ABLIM1: variants seen among roughly 807,000 people sequenced by gnomAD.
ABLIM1 encodes actin binding LIM protein 1, also known as actin-binding LIM protein 1.
A neutral mutation model predicts 107.0 loss-of-function variants in ABLIM1; 40 were observed. The ratio of observed to expected loss-of-function variants is 0.37; its 90% CI spans 0.29 to 0.49. ABLIM1 has a LOEUF of 0.49. ABLIM1 is among the 20% of genes least tolerant of loss of function. The pLI is 0.97. For missense variants in ABLIM1, 857 were observed against 1,008.5 expected (o/e 0.85, Z 2.04); for synonymous variants, 357 against 357.3 (o/e 1.00, Z 0.01).
chr10:114,521,659 T>TCCCCGCTCCTTCTTTCCTTCCTTC (rs1350486600), intron 6 of ABLIM1, among the ~76,000 whole-genome samples: 4 of 151,948 alleles, frequency 2.6e-5, no homozygotes, highest in Non-Finnish European at 5.9e-5. Context: ...CCCCCTCCTT[T>TCCCCGCTCCTTCTTTCCTTCCTTC]CCCCGCTCCT....
chr10:114,793,461 C>A, the ABLIM1 span, among the ~76,000 whole-genome samples: 1 of 152,190 alleles, frequency 6.6e-6, no homozygotes, highest in East Asian at 1.9e-4. Flanking sequence ...GTACAGCCTG[C>A]AGAACCATGA....
intron 2 of ABLIM1, among the ~76,000 whole-genome samples, chr10:114,578,412 T>G (rs1013977369): frequency 1.3e-5 from 2 of 151,732 alleles, no homozygotes; most frequent in African/African-American, 4.8e-5. Flanking sequence ...TTCTGTTGTT[T>G]TTTTTTTTTT....
At chr10:114,485,287 C>G (rs199720341) in intron 8 of ABLIM1, 3 of 1,601,030 alleles carry the variant, frequency 1.9e-6, no homozygotes, top group Non-Finnish European at 2.6e-6. Flanking sequence ...AGCCTAGACA[C>G]AATGCCAACC....
intron 1 of ABLIM1, among the ~76,000 whole-genome samples, chr10:114,643,726 A>C (rs965851923): frequency 1.3e-5 from 2 of 151,722 alleles, no homozygotes; most frequent in African/African-American, 4.8e-5. Context: ...ACAGACATGC[A>C]TCATTATATC....
chr10:114,492,905 C>T (rs181566538), intron 6 of ABLIM1, among the ~76,000 whole-genome samples: 5 of 152,080 alleles, frequency 3.3e-5, no homozygotes, highest in African/African-American at 4.8e-5. Flanking sequence ...GCAACCAGCA[C>T]GTGAGGTGGT....
intron 6 of ABLIM1, among the ~76,000 whole-genome samples, chr10:114,530,141 T>C (rs1332824076): frequency 2.0e-5 from 3 of 152,194 alleles, no homozygotes; most frequent in South Asian, 4.1e-4. Context: ...GTAAATTTAC[T>C]AAAGGTCATT....
At chr10:114,784,755 G>A in the ABLIM1 span, among the ~76,000 whole-genome samples, 1 of 151,430 alleles carries the variant, frequency 6.6e-6, no homozygotes, top group African/African-American at 2.4e-5. Context: ...AATAAACTCA[G>A]TGAGATTAAG....
intron 7 of ABLIM1, 101 bp downstream of exon 7, chr10:114,491,690 G>A: frequency 8.6e-7 from 1 of 1,169,506 alleles, no homozygotes; most frequent in African/African-American, 1.5e-5. Flanking sequence ...TAGCCTCACA[G>A]CTAATAACAT....
intron 2 of ABLIM1, among the ~76,000 whole-genome samples, chr10:114,586,696 T>TTA (rs3061730): frequency 0.78 from 117,971 of 152,006 alleles, 46,741 homozygotes; most frequent in African/African-American, 0.92. Context: ...TCAGAAATAT[T>TTA]TGATAGAATA....
chr10:114,534,990 A>G (rs12569428), intron 6 of ABLIM1, among the ~76,000 whole-genome samples: 34,141 of 152,140 alleles, frequency 0.22, 4,423 homozygotes, highest in East Asian at 0.33. Flanking sequence ...GGCCAGCTTC[A>G]GGTGAATCAG....
chr10:114,497,874 G>A (rs1261045148), intron 6 of ABLIM1, among the ~76,000 whole-genome samples: 1 of 152,132 alleles, frequency 6.6e-6, no homozygotes, highest in Non-Finnish European at 1.5e-5. Flanking sequence ...GCCTTTAATA[G>A]TGCTGGTTAA....
intron 1 of ABLIM1, among the ~76,000 whole-genome samples, chr10:114,743,086 C>T (rs58477890): frequency 0.02 from 3,029 of 152,012 alleles, 89 homozygotes; most frequent in African/African-American, 0.068. Flanking sequence ...AAGTAGTATA[C>T]GTTTAAAATT....
chr10:114,676,894 C>G (rs138807645), intron 1 of ABLIM1, among the ~76,000 whole-genome samples: 2,516 of 152,182 alleles, frequency 0.017, 67 homozygotes, highest in African/African-American at 0.055. Context: ...CACCAGCATG[C>G]CTGGCTAACT....
chr10:114,519,416 C>T (rs562074876), intron 6 of ABLIM1, among the ~76,000 whole-genome samples: 9 of 152,300 alleles, frequency 5.9e-5, no homozygotes, highest in African/African-American at 2.2e-4. Flanking sequence ...CAGGTTGCAG[C>T]CTTTTTTCCC....
chr10:114,736,607 C>T (rs2082185406), intron 1 of ABLIM1, among the ~76,000 whole-genome samples: 1 of 152,182 alleles, frequency 6.6e-6, no homozygotes, highest in African/African-American at 2.4e-5. Flanking sequence ...ATCAGCAGTA[C>T]ACATGACAGG....
intron 1 of ABLIM1, among the ~76,000 whole-genome samples, chr10:114,741,165 A>T (rs1231093193): frequency 1.3e-5 from 2 of 151,288 alleles, no homozygotes; most frequent in Non-Finnish European, 2.9e-5. Flanking sequence ...TATAGTATTT[A>T]CAAGTCACCC....
chr10:114,769,420 AAGGAAAGAAAG>A (rs1220729567), upstream of ABLIM1, among the ~76,000 whole-genome samples: 46 of 12,436 alleles, frequency 3.7e-3, 1 homozygote, highest in Admixed American at 0.015. Context: ...GAAAGAAAAG[AAGGAAAGAAAG>A]AAAGAAAGAA....
chr10:114,458,211 G>A (rs923298678), intron 12 of ABLIM1, among the ~76,000 whole-genome samples: 4 of 151,920 alleles, frequency 2.6e-5, no homozygotes, highest in African/African-American at 9.7e-5. Context: ...TAAGTTGTTA[G>A]TGTTCTCATC....
intron 1 of ABLIM1, among the ~76,000 whole-genome samples, chr10:114,759,846 CCTATTGTCCCAGTATCT>C (rs1258610648): frequency 6.6e-6 from 1 of 152,150 alleles, no homozygotes; most frequent in African/African-American, 2.4e-5. Flanking sequence ...CCAGTATACA[CCTATTGTCCCAGTATCT>C]CAGCAGGTTT....
Sources: gnomAD v4.1 joint callset for allele counts (sites outside exome capture counted in the v4.1 genomes callset) on GRCh38, gnomAD v4.1.1 for gene constraint, MANE v1.5 for transcripts, NCBI Gene and HGNC (gene_info 2026-07-23, HGNC 2026-07-21) for gene names.